The following BAZ2B variants were observed in gnomAD, a reference collection of about 807,000 sequenced individuals.
The protein encoded by BAZ2B is bromodomain adjacent to zinc finger domain 2B, also known as bromodomain adjacent to zinc finger domain protein 2B.
In BAZ2B, 91 loss-of-function variants were observed where a neutral mutation model predicts 246.0. The ratio of observed to expected loss-of-function variants is 0.37; its 90% CI spans 0.31 to 0.44. The LOEUF is 0.44. BAZ2B is among the 20% of genes least tolerant of loss of function. The probability of loss-of-function intolerance (pLI) is 1.00; values close to 1 mark genes in which losing one functional copy is unlikely to be tolerated. For synonymous variants in BAZ2B, 855 were observed against 860.0 expected (o/e 0.99, Z 0.10); for missense variants, 2,332 against 2,533.7 (o/e 0.92, Z 1.71).
chr2:159,679,680 G>T, the BAZ2B span, among the ~76,000 whole-genome samples: 1 of 152,128 alleles, frequency 6.6e-6, no homozygotes, highest in South Asian at 2.1e-4. Context: ...TCACTATTCA[G>T]GAATTGGCAT....
chr2:159,405,137 G>A, intron 14 of BAZ2B, 23 bp from the exon 15 acceptor site: 1 of 1,604,162 alleles, frequency 6.2e-7, no homozygotes, highest in African/African-American at 1.3e-5. Context: ...AAATTTCAAA[G>A]AATATTAACA....
chr2:159,638,953 T>C, the BAZ2B span, among the ~76,000 whole-genome samples: 1 of 151,898 alleles, frequency 6.6e-6, no homozygotes, highest in African/African-American at 2.4e-5. Flanking sequence ...AATTTAGTAA[T>C]CAAACTCCCA....
intron 1 of BAZ2B, among the ~76,000 whole-genome samples, chr2:159,594,367 A>T (rs1021816581): frequency 5.3e-5 from 8 of 152,180 alleles, no homozygotes; most frequent in African/African-American, 1.7e-4. Context: ...AGATCGCGCC[A>T]CCGCGCTCCA....
chr2:159,338,931 T>C (rs1389816085), intron 31 of BAZ2B, among the ~76,000 whole-genome samples: 1 of 152,146 alleles, frequency 6.6e-6, no homozygotes, highest in Admixed American at 6.5e-5. Context: ...ATATGTCTGA[T>C]CTCCCTATTA....
chr2:159,661,373 G>C, the BAZ2B span, among the ~76,000 whole-genome samples: 5 of 151,936 alleles, frequency 3.3e-5, no homozygotes, highest in East Asian at 1.9e-4. Context: ...TCCAATTTGG[G>C]GGCTATTACA....
the BAZ2B span, among the ~76,000 whole-genome samples, chr2:159,678,426 A>C: frequency 6.6e-6 from 1 of 152,232 alleles, no homozygotes; most frequent in Non-Finnish European, 1.5e-5. Context: ...CTTTGCATAT[A>C]GTTTCTTAGA....
chr2:159,663,416 T>G, the BAZ2B span, among the ~76,000 whole-genome samples: 2 of 152,176 alleles, frequency 1.3e-5, no homozygotes, highest in Admixed American at 1.3e-4. Context: ...TTGGTCAGGC[T>G]GGTCTCAAAC....
At chr2:159,508,703 C>G (rs566246141) in intron 2 of BAZ2B, among the ~76,000 whole-genome samples, 4 of 152,128 alleles carry the variant, frequency 2.6e-5, no homozygotes, top group Non-Finnish European at 5.9e-5. Flanking sequence ...CTCATGTATA[C>G]CCCCTGACCA....
chr2:159,666,986 T>A, the BAZ2B span, among the ~76,000 whole-genome samples: 1 of 152,180 alleles, frequency 6.6e-6, no homozygotes, highest in South Asian at 2.1e-4. Flanking sequence ...CACGTGGGAC[T>A]TAAAACCTAG....
At chr2:159,622,263 CAAAAA>C in the BAZ2B span, among the ~76,000 whole-genome samples, 2 of 64,982 alleles carry the variant, frequency 3.1e-5, no homozygotes, top group African/African-American at 5.6e-5. Context: ...AGTACTGTCT[CAAAAA>C]AAAAAAAAAA....
intron 27 of BAZ2B, among the ~76,000 whole-genome samples, chr2:159,351,423 G>A (rs180963436): frequency 6.6e-6 from 1 of 151,874 alleles, no homozygotes; most frequent in Non-Finnish European, 1.5e-5. Context: ...TGTAAATAAT[G>A]ACCTTTTATC....
At chr2:159,610,925 C>G (rs967590836) in intron 1 of BAZ2B, among the ~76,000 whole-genome samples, 2 of 152,004 alleles carry the variant, frequency 1.3e-5, no homozygotes, top group African/African-American at 4.8e-5. Flanking sequence ...ATTTCAAACT[C>G]TATTATGACT....
chr2:159,576,312 G>C (rs1685269600), intron 1 of BAZ2B, among the ~76,000 whole-genome samples: 1 of 152,056 alleles, frequency 6.6e-6, no homozygotes, highest in Non-Finnish European at 1.5e-5. Flanking sequence ...TAACATCGAT[G>C]TGGTCAAAAG....
chr2:159,389,416 G>T lies in BAZ2B; in HGVS notation c.3145C>A (p.Arg1049=), dbSNP rs2063057784. 1 of 1,611,338 alleles carries T rather than the reference G, an allele frequency of 6.2e-7. No individual in the cohort carries two copies. Among genetic ancestry groups the T allele is most frequent in the Non-Finnish European group, 8.5e-7 (1 of 1,178,584 alleles). ...RLNKERKLEQ[R]RLELEMAKEL... is the part of the protein sequence containing the mutation. ...TTTGCCATTTCTAATTCTAATCTTC[G>T]CTGCTCTAGTTTACGCTCTTTATTT... Residue 1049 remains arginine (R), a synonymous_variant, in exon 21 of 37, where the codon CGA becomes AGA. Coordinates refer to ENST00000392783, the MANE Select transcript of BAZ2B (RefSeq NM_013450.4).
intron 2 of BAZ2B, among the ~76,000 whole-genome samples, chr2:159,502,951 C>T (rs2081993178): frequency 6.6e-6 from 1 of 152,108 alleles, no homozygotes; most frequent in African/African-American, 2.4e-5. Context: ...ACAAGTTTAT[C>T]CAATATTAAA....
intron 2 of BAZ2B, among the ~76,000 whole-genome samples, chr2:159,484,087 T>C (rs1366882979): frequency 6.6e-6 from 1 of 152,116 alleles, no homozygotes; most frequent in African/African-American, 2.4e-5. Context: ...GCTAATGGCA[T>C]TGAGTGGAGA....
the BAZ2B span, among the ~76,000 whole-genome samples, chr2:159,688,683 T>C: frequency 6.6e-6 from 1 of 152,252 alleles, no homozygotes; most frequent in Non-Finnish European, 1.5e-5. Flanking sequence ...TTATTTTTAA[T>C]TGTCATACCT....
intron 24 of BAZ2B, among the ~76,000 whole-genome samples, chr2:159,383,123 CA>C: frequency 6.6e-6 from 1 of 152,134 alleles, no homozygotes; most frequent in Middle Eastern, 3.4e-3. Context: ...GAATAAATTT[CA>C]ATTCAAATTA....
At chr2:159,611,317 G>C (rs1020730548) in intron 1 of BAZ2B, among the ~76,000 whole-genome samples, 7 of 151,678 alleles carry the variant, frequency 4.6e-5, no homozygotes, top group African/African-American at 1.7e-4. Context: ...TCCTTAATTT[G>C]ATTTATATGA....
Sources: allele counts gnomAD v4.1 joint callset (sites outside exome capture counted in the v4.1 genomes callset), GRCh38; gene constraint gnomAD v4.1.1; transcripts MANE v1.5; gene names NCBI Gene and HGNC (gene_info 2026-07-23, HGNC 2026-07-21).